KCNMA1: variants seen among roughly 807,000 people sequenced by gnomAD.
KCNMA1 encodes potassium calcium-activated channel subfamily M alpha 1, also known as Calcium-activated potassium channel subunit alpha-1.
Under a neutral mutation model 140.0 loss-of-function variants are expected in KCNMA1, and 29 were observed. The observed-to-expected ratio is 0.21, with a 90% CI of 0.15 to 0.28. The LOEUF (loss-of-function observed/expected upper bound fraction) is 0.28. KCNMA1 is among the 10% of genes least tolerant of loss of function. The pLI, the probability that KCNMA1 is intolerant of heterozygous loss-of-function variation, is 1.00. For missense variants in KCNMA1, 880 were observed against 1,602.2 expected (o/e 0.55, Z 7.70); for synonymous variants, 612 against 611.9 (o/e 1.00, Z 0.00).
chr10:76,952,274 A>C, intron 21 of KCNMA1: 8 of 1,210,340 alleles, frequency 6.6e-6, no homozygotes, highest in Non-Finnish European at 9.0e-6. Flanking sequence ...TAATCCCAGC[A>C]CTTTGGGAGG....
At chr10:77,183,890 C>T (rs2098823346) in intron 4 of KCNMA1, among the ~76,000 whole-genome samples, 1 of 152,138 alleles carries the variant, frequency 6.6e-6, no homozygotes, top group Admixed American at 6.6e-5. Context: ...TTCTAGTGCC[C>T]CATAGAGAGC....
At chr10:77,082,900 G>A (rs886633341) in intron 12 of KCNMA1, among the ~76,000 whole-genome samples, 4 of 152,198 alleles carry the variant, frequency 2.6e-5, no homozygotes, top group Non-Finnish European at 5.9e-5. Flanking sequence ...ATGCTTAAGG[G>A]AGGACTGGCT....
At chr10:77,627,200 C>G (rs897438401) in intron 1 of KCNMA1, among the ~76,000 whole-genome samples, 1 of 152,168 alleles carries the variant, frequency 6.6e-6, no homozygotes, top group Admixed American at 6.5e-5. Flanking sequence ...GTCTGTCTCC[C>G]TAGGTGAAAA....
chr10:77,629,629 G>A (rs1297578672), intron 1 of KCNMA1, among the ~76,000 whole-genome samples: 2 of 152,154 alleles, frequency 1.3e-5, no homozygotes, highest in Non-Finnish European at 2.9e-5. Context: ...GAGATCAGAT[G>A]TTCATATTCC....
intron 3 of KCNMA1, among the ~76,000 whole-genome samples, chr10:77,189,326 C>T (rs576589074): frequency 6.6e-6 from 1 of 152,154 alleles, no homozygotes; most frequent in Non-Finnish European, 1.5e-5. Flanking sequence ...CAGCTGCCTA[C>T]CACTTAGCTA....
intron 1 of KCNMA1, among the ~76,000 whole-genome samples, chr10:77,525,576 G>A (rs1191205419): frequency 2.6e-5 from 4 of 152,334 alleles, no homozygotes; most frequent in African/African-American, 7.2e-5. Flanking sequence ...CCACACAGCT[G>A]GTGCCTGGGG....
Position 77,462,941 on chromosome 10 carries a change from T to C in KCNMA1, c.379-58918A>G, listed in dbSNP as rs560976350. ...GTGGAGTGTTGCTGATCCATGCCTC[T>C]GCCAGAGGTGGGAGAAACCTCGATG... On this transcript the variant is annotated intron_variant, in intron 1 of 27. Coordinates refer to ENST00000286628, the MANE Select transcript of KCNMA1 (RefSeq NM_001161352.2). Among the ~76,000 whole-genome samples, 10 of 152,304 alleles carry C rather than the reference T, an allele frequency of 6.6e-5. No homozygotes were observed. The South Asian group carries it at 8.3e-4, about 13-fold the overall frequency.
In KCNMA1 at chr10:77,637,310, G is replaced by A; in HGVS notation, c.333C>T (p.Leu111=). Residue 111 remains leucine, a synonymous_variant, in exon 1 of 28, where the codon CTC becomes CTT. Transcript: ENST00000286628. ...GLFIILLWRT[L]KYLWTVCCHC... is the part of the protein sequence containing the mutation. ...GGCAGCACACGGTCCACAGGTACTT[G>A]AGCGTCCGCCAGAGCAAGATGATGA... 1.2e-6 allele frequency: 2 copies of A among 1,613,588 alleles called. No homozygotes were observed. Among genetic ancestry groups the A allele is most frequent in the Non-Finnish European group, 1.7e-6 (2 of 1,179,838 alleles).
intron 24 of KCNMA1, chr10:76,910,691 C>G (rs950210303): frequency 2.5e-5 from 4 of 161,136 alleles, no homozygotes; most frequent in African/African-American, 9.6e-5. Context: ...ACAGGAAACC[C>G]CAGGTGGGAT....
intron 1 of KCNMA1, among the ~76,000 whole-genome samples, chr10:77,425,079 G>T (rs1260765176): frequency 6.6e-6 from 1 of 151,424 alleles, no homozygotes; most frequent in African/African-American, 2.4e-5. Flanking sequence ...ATGGGTGGAT[G>T]GATGAGTGGA....
chr10:77,400,516 TAGAAA>T (rs1281698256), intron 2 of KCNMA1, among the ~76,000 whole-genome samples: 1 of 152,178 alleles, frequency 6.6e-6, no homozygotes, highest in Non-Finnish European at 1.5e-5. Context: ...GTCAGTGGCT[TAGAAA>T]AGAAAAGGCA....
chr10:77,005,164 G>A (rs1490794973), intron 18 of KCNMA1, among the ~76,000 whole-genome samples: 4 of 152,128 alleles, frequency 2.6e-5, no homozygotes, highest in Admixed American at 2.0e-4. Context: ...CTAGTTCATG[G>A]GCAGTTGGAA....
chr10:76,876,032 G>A (rs1180381581), downstream of KCNMA1: 5 of 152,532 alleles, frequency 3.3e-5, no homozygotes, highest in East Asian at 1.9e-4. Context: ...CAATGCCTAC[G>A]AGGTGGAAGC....
At chr10:77,523,611 G>C (rs776249016) in intron 1 of KCNMA1, among the ~76,000 whole-genome samples, 1 of 152,262 alleles carries the variant, frequency 6.6e-6, no homozygotes, top group Non-Finnish European at 1.5e-5. Context: ...TTTCAAGAAA[G>C]TGTAAAGCAG....
At chr10:76,920,020 G>GTGTGTATATATA (rs1177257916) in intron 23 of KCNMA1, among the ~76,000 whole-genome samples, 20 of 34,424 alleles carry the variant, frequency 5.8e-4, no homozygotes, top group East Asian at 5.2e-3. Flanking sequence ...GTGTGTGTGT[G>GTGTGTATATATA]TATATATATA....
At chr10:77,125,721 AG>A (rs1177400189) in intron 5 of KCNMA1, among the ~76,000 whole-genome samples, 1 of 152,216 alleles carries the variant, frequency 6.6e-6, no homozygotes, top group Non-Finnish European at 1.5e-5. Flanking sequence ...TGTTTTGTTC[AG>A]GGCTATATTT....
intron 3 of KCNMA1, among the ~76,000 whole-genome samples, chr10:77,214,735 G>A (rs2047159450): frequency 6.6e-6 from 1 of 152,086 alleles, no homozygotes; most frequent in African/African-American, 2.4e-5. Flanking sequence ...AACAGTGCTT[G>A]GCAATTGGCC....
At chr10:77,289,159 C>A (rs891597711) in intron 2 of KCNMA1, among the ~76,000 whole-genome samples, 11 of 152,192 alleles carry the variant, frequency 7.2e-5, no homozygotes, top group Non-Finnish European at 1.2e-4. Flanking sequence ...ATCAAGATCA[C>A]CAAACCCATT....
intron 2 of KCNMA1, among the ~76,000 whole-genome samples, chr10:77,361,032 G>A (rs1395621772): frequency 6.6e-6 from 1 of 152,182 alleles, no homozygotes. Context: ...ATCAAGACAT[G>A]GGTACAAACC....
Sources: gnomAD v4.1 joint callset for allele counts (sites outside exome capture counted in the v4.1 genomes callset) on GRCh38, gnomAD v4.1.1 for gene constraint, MANE v1.5 for transcripts, NCBI Gene and HGNC (gene_info 2026-07-23, HGNC 2026-07-21) for gene names.